Variants in ARHGAP20 observed in about 807,000 individuals in gnomAD.
ARHGAP20 encodes the protein Rho GTPase activating protein 20, also known as rho GTPase-activating protein 20.
A neutral mutation model predicts 73.7 loss-of-function variants in ARHGAP20; 34 were observed. That is an observed-to-expected ratio of 0.46 (90% CI 0.35 to 0.61). The LOEUF (loss-of-function observed/expected upper bound fraction) is 0.61, where lower values mean the gene tolerates loss of function less well. Among genes scored for constraint, ARHGAP20 ranks in the 20% least tolerant of loss-of-function variants. ARHGAP20 has a pLI of 0.00. For synonymous variants in ARHGAP20, 523 were observed against 518.2 expected (o/e 1.01, Z -0.13); for missense variants, 1,314 against 1,420.9 (o/e 0.92, Z 1.21).
rs1046556683 is a variant in ARHGAP20 at position 110,622,371 on chromosome 11, C to T, written c.503+1791G>A. Among the ~76,000 whole-genome samples, 6 of 152,246 alleles carry T rather than the reference C, an allele frequency of 3.9e-5. No homozygotes were observed. In the South Asian group the frequency reaches 6.2e-4, roughly 16 times the overall value. The stretch of plus-strand genomic sequence containing the variant: ...AATAAATTCAGAAATTTTAGATTTC[C>T]GTAAAAGTTACAAAGATAATATAGA... On this transcript the variant is annotated intron_variant, in intron 4 of 14. Coordinates refer to ENST00000683387, the MANE Select transcript of ARHGAP20 (RefSeq NM_001384657.1).
At chr11:110,705,091 A>G (rs1314400073) in intron 1 of ARHGAP20, among the ~76,000 whole-genome samples, 1 of 152,138 alleles carries the variant, frequency 6.6e-6, no homozygotes, top group Admixed American at 6.6e-5. Flanking sequence ...GACACCTTCT[A>G]GGAAGGCAAG....
intron 2 of ARHGAP20, among the ~76,000 whole-genome samples, chr11:110,677,435 C>G (rs1949954608): frequency 6.6e-6 from 1 of 152,150 alleles, no homozygotes; most frequent in Non-Finnish European, 1.5e-5. Context: ...GGGCAAATGG[C>G]TTCAGCCCAG....
At chr11:110,662,912 G>C (rs1482362590) in intron 2 of ARHGAP20, among the ~76,000 whole-genome samples, 2 of 151,816 alleles carry the variant, frequency 1.3e-5, no homozygotes, top group African/African-American at 4.8e-5. Flanking sequence ...GATGAACCAA[G>C]AACATCTTGT....
intron 1 of ARHGAP20, among the ~76,000 whole-genome samples, chr11:110,699,424 T>G (rs1285576733): frequency 1.3e-5 from 2 of 151,980 alleles, no homozygotes; most frequent in Non-Finnish European, 2.9e-5. Flanking sequence ...GTCCATTTGG[T>G]CTACAGTTCA....
intron 1 of ARHGAP20, among the ~76,000 whole-genome samples, chr11:110,698,743 T>C (rs1055427625): frequency 2.0e-5 from 3 of 151,978 alleles, no homozygotes; most frequent in African/African-American, 4.8e-5. Flanking sequence ...CTTTTGTATC[T>C]CTATGTTATC....
At chr11:110,638,277 C>T (rs1949010031) in intron 2 of ARHGAP20, among the ~76,000 whole-genome samples, 1 of 151,898 alleles carries the variant, frequency 6.6e-6, no homozygotes, top group South Asian at 2.1e-4. Flanking sequence ...TGTATTTATG[C>T]TTCGGTCCCA....
At position 110,590,805 on chromosome 11, in the gene ARHGAP20, A is replaced by T; in HGVS notation, c.1148T>A (p.Met383Lys). ...NDNLPKPVLD[M>K]LFFLNQKGPL... Reference sequence around the variant, plus strand: ...TCCTTTTTGATTAAGAAAGAAAAGCATATCCTATGGGGAAGCAAAGGAAAA... The same window carrying T: ...TCCTTTTTGATTAAGAAAGAAAAGCTTATCCTATGGGGAAGCAAAGGAAAA... Residue 383 changes from methionine to lysine, a missense_variant, in exon 11 of 15, where the codon ATG (methionine) becomes AAG (lysine). By Grantham distance (95) the Met-to-Lys change is moderately conservative. Around this residue, in one of 3 missense-constraint regions of ARHGAP20, gnomAD observed 443 missense variants for 466.4 expected, o/e 0.95. Transcript: ENST00000683387. 1 of 1,612,962 alleles carries T rather than the reference A, an allele frequency of 6.2e-7. No individual in the cohort carries two copies. Among genetic ancestry groups the T allele is most frequent in the Non-Finnish European group, 8.5e-7 (1 of 1,179,696 alleles).
intron 2 of ARHGAP20, among the ~76,000 whole-genome samples, chr11:110,670,831 A>G (rs934302267): frequency 2.0e-5 from 3 of 152,036 alleles, no homozygotes; most frequent in Non-Finnish European, 4.4e-5. Flanking sequence ...ACAAATCCCA[A>G]TTGGAGAACA....
Position 110,578,832 on chromosome 11 carries a change from G to A in ARHGAP20, c.*538C>T. 1 of 985,912 alleles carries A rather than the reference G, an allele frequency of 1.0e-6. No homozygotes were observed. The allele number at this position is 985,912 out of a possible 1,614,324, so 61.1% of individuals were successfully genotyped here. A position where few individuals can be genotyped will look rare whatever the true frequency, so the allele number is the denominator to read the frequency against. ...TTCTGTAAGGACACGTGATTAGTAAGATCCCACAAAAATGGCCACTGGCTT... is the reference window on the plus strand; with the variant it reads ...TTCTGTAAGGACACGTGATTAGTAAAATCCCACAAAAATGGCCACTGGCTT... On this transcript the variant is annotated 3_prime_UTR_variant, in exon 15 of 15. Coordinates refer to ENST00000683387, the MANE Select transcript of ARHGAP20 (RefSeq NM_001384657.1).
chr11:110,695,312 G>A (rs1284552544), intron 1 of ARHGAP20, among the ~76,000 whole-genome samples: 1 of 151,384 alleles, frequency 6.6e-6, no homozygotes, highest in African/African-American at 2.4e-5. Context: ...GACACCAAAA[G>A]TACAAGCAAC....
At chr11:110,658,347 C>T (rs1949520145) in intron 2 of ARHGAP20, among the ~76,000 whole-genome samples, 1 of 152,148 alleles carries the variant, frequency 6.6e-6, no homozygotes, top group African/African-American at 2.4e-5. Context: ...TTCTAGAAAC[C>T]TGAAGGAGCC....
At chr11:110,659,315 G>A (rs1486210623) in intron 2 of ARHGAP20, among the ~76,000 whole-genome samples, 2 of 144,254 alleles carry the variant, frequency 1.4e-5, no homozygotes, top group South Asian at 4.7e-4. Context: ...GGCCAGTGAT[G>A]ATGAGCATTT....
At chr11:110,607,557 T>C (rs1948263093) in intron 8 of ARHGAP20, among the ~76,000 whole-genome samples, 1 of 152,214 alleles carries the variant, frequency 6.6e-6, no homozygotes, top group Non-Finnish European at 1.5e-5. Flanking sequence ...TCCCTTCTAT[T>C]CCTGACTTAT....
chr11:110,622,276 A>G (rs747902900), intron 4 of ARHGAP20, among the ~76,000 whole-genome samples: 12 of 152,188 alleles, frequency 7.9e-5, no homozygotes, highest in African/African-American at 2.4e-4. Flanking sequence ...CCAAGTTTAA[A>G]TTCCTCTCCA....
intron 2 of ARHGAP20, among the ~76,000 whole-genome samples, chr11:110,649,201 CTTTTTTTTTTTT>C (rs869156175): frequency 0.027 from 2,346 of 87,262 alleles, 57 homozygotes; most frequent in East Asian, 0.083. Flanking sequence ...ATTATTAAAC[CTTTTTTTTTTTT>C]TTTTTTTTTT....
At chr11:110,615,711 G>T in intron 4 of ARHGAP20, 117 bp from the exon 5 acceptor site, 1 of 848,782 alleles carries the variant, frequency 1.2e-6, no homozygotes, top group Non-Finnish European at 1.9e-6. Context: ...TAATACAGTT[G>T]CACACATAAG....
At chr11:110,627,091 T>A (rs1007279644) in intron 3 of ARHGAP20, among the ~76,000 whole-genome samples, 1 of 144,170 alleles carries the variant, frequency 6.9e-6, no homozygotes, top group African/African-American at 2.8e-5. Context: ...CCCCTAAAAA[T>A]ATATATATTT....
At chr11:110,705,888 G>A (rs1950544851) in intron 1 of ARHGAP20, among the ~76,000 whole-genome samples, 1 of 152,170 alleles carries the variant, frequency 6.6e-6, no homozygotes, top group Admixed American at 6.6e-5. Flanking sequence ...TGAGGTATCA[G>A]CATAGAGATT....
chr11:110,695,254 A>T (rs1196371105), intron 1 of ARHGAP20, among the ~76,000 whole-genome samples: 1 of 151,562 alleles, frequency 6.6e-6, no homozygotes, highest in African/African-American at 2.4e-5. Context: ...AAACACAGGC[A>T]TAATTTTGTC....
Sources: gnomAD v4.1 joint callset for allele counts (sites outside exome capture counted in the v4.1 genomes callset) on GRCh38, gnomAD v4.1.1 for gene constraint, gnomAD v4.1.1 regional missense constraint, MANE v1.5 for transcripts, NCBI Gene and HGNC (gene_info 2026-07-23, HGNC 2026-07-21) for gene names.